IGSF5: variants seen among roughly 807,000 people sequenced by gnomAD.
IGSF5 encodes the protein immunoglobulin superfamily 5 like.
A neutral mutation model predicts 39.4 loss-of-function variants in IGSF5; 41 were observed. That is an observed-to-expected ratio of 1.04 (90% confidence interval 0.81 to 1.35). The LOEUF is 1.35. IGSF5 is among the 40% of genes most tolerant of loss of function. The pLI, the probability that IGSF5 is intolerant of heterozygous loss-of-function variation, is 0.00. For missense variants in IGSF5, 487 were observed against 494.6 expected, an observed-to-expected ratio of 0.98 and a Z score of 0.15; for synonymous variants, 183 against 175.3, an observed-to-expected ratio of 1.04 and a Z score of -0.34.
At chr21:39,738,686 T>C in the IGSF5 span, among the ~76,000 whole-genome samples, 1 of 151,520 alleles carries the variant, frequency 6.6e-6, no homozygotes, top group Non-Finnish European at 1.5e-5. This position sits in a 1 kb window ranked among gnomAD's most constrained non-coding sequence, Gnocchi z 6.4. Flanking sequence ...CTTCTAGGGG[T>C]GGACACTGGG....
chr21:39,747,133 A>G (rs1370435364), intron 2 of IGSF5, among the ~76,000 whole-genome samples: 1 of 152,230 alleles, frequency 6.6e-6, no homozygotes, highest in African/African-American at 2.4e-5. Context: ...CCGGGAAGAA[A>G]GAGTTTTAAT....
At chr21:39,772,427 T>C (rs1186471385) in intron 4 of IGSF5, among the ~76,000 whole-genome samples, 2 of 152,196 alleles carry the variant, frequency 1.3e-5, no homozygotes, top group Non-Finnish European at 2.9e-5. Context: ...ACCACAGGCT[T>C]GGTGGCTTAA....
the IGSF5 span, among the ~76,000 whole-genome samples, chr21:39,717,724 T>C: frequency 2.0e-5 from 3 of 152,238 alleles, no homozygotes; most frequent in Non-Finnish European, 2.9e-5. Context: ...ACCAGTACCA[T>C]GCTATTTTGG....
the IGSF5 span, among the ~76,000 whole-genome samples, chr21:39,716,317 T>G: frequency 6.6e-6 from 1 of 152,208 alleles, no homozygotes; most frequent in Non-Finnish European, 1.5e-5. Flanking sequence ...TACTAGCCAC[T>G]CTAAAAACGA....
chr21:39,801,092 T>C (rs1399742849), intron 8 of IGSF5, among the ~76,000 whole-genome samples, 170 bp from the exon 9 acceptor site: 2 of 152,384 alleles, frequency 1.3e-5, no homozygotes, highest in East Asian at 1.9e-4. Flanking sequence ...AAAACTTCTA[T>C]ATTGTGTGTT....
the IGSF5 span, among the ~76,000 whole-genome samples, chr21:39,719,067 C>T: frequency 2.6e-5 from 4 of 152,032 alleles, no homozygotes; most frequent in Non-Finnish European, 5.9e-5. Context: ...TCTTCCTGGC[C>T]CAATCTTGGG....
At chr21:39,757,036 G>T (rs1908779496) in intron 2 of IGSF5, among the ~76,000 whole-genome samples, 1 of 77,620 alleles carries the variant, frequency 1.3e-5, no homozygotes, top group African/African-American at 2.9e-5. Context: ...AGCACAGCAG[G>T]CACAGTCCCC....
At chr21:39,763,189 G>T (rs571907696) in intron 2 of IGSF5, among the ~76,000 whole-genome samples, 3 of 152,294 alleles carry the variant, frequency 2.0e-5, no homozygotes, top group African/African-American at 7.2e-5. Flanking sequence ...CTTAGGGTTT[G>T]TTCTAGCAAG....
Position 39,789,639 on chromosome 21 carries a change from AT to A in IGSF5, c.956+1452del, listed in dbSNP as rs1340289061. Among the ~76,000 whole-genome samples the A allele has an allele frequency of 4.6e-5, 7 of 152,334 alleles. No individual in the cohort carries two copies. In the East Asian group the frequency reaches 1.4e-3, roughly 29 times the overall value. ...AGTTGTATGTTTATTATGGAAAAAA[AT>A]CAATGCATGTTTATTTTTAGAAAAA... On this transcript the variant is annotated intron_variant, in intron 6 of 8. Coordinates refer to ENST00000380588, the MANE Select transcript of IGSF5 (RefSeq NM_001080444.2).
chr21:39,719,204 G>T, the IGSF5 span, among the ~76,000 whole-genome samples: 16 of 152,212 alleles, frequency 1.1e-4, no homozygotes, highest in East Asian at 3.1e-3. Context: ...CTCTTGCTAT[G>T]TTGCCCAGGC....
chr21:39,763,962 G>A (rs1019274360), intron 2 of IGSF5, among the ~76,000 whole-genome samples: 1 of 152,134 alleles, frequency 6.6e-6, no homozygotes, highest in South Asian at 2.1e-4. Context: ...TACCTAATCT[G>A]AGTTGTGTTT....
chr21:39,742,569 C>A (rs2079952988), upstream of IGSF5, among the ~76,000 whole-genome samples: 1 of 152,250 alleles, frequency 6.6e-6, no homozygotes, highest in African/African-American at 2.4e-5. Context: ...AGAGGACCTT[C>A]ATCCCCTGGG....
chr21:39,752,605 G>A (rs2080011131), intron 2 of IGSF5, among the ~76,000 whole-genome samples: 1 of 152,152 alleles, frequency 6.6e-6, no homozygotes, highest in South Asian at 2.1e-4. Flanking sequence ...TTTCATAGTG[G>A]TTGTATAATT....
At chr21:39,759,461 A>G (rs2080049875) in intron 2 of IGSF5, among the ~76,000 whole-genome samples, 1 of 152,216 alleles carries the variant, frequency 6.6e-6, no homozygotes, top group African/African-American at 2.4e-5. Context: ...CATCTTAGGC[A>G]TATGGCACTG....
At chr21:39,749,527 T>C (rs2079994540) in intron 2 of IGSF5, among the ~76,000 whole-genome samples, 2 of 152,246 alleles carry the variant, frequency 1.3e-5, no homozygotes, top group Non-Finnish European at 2.9e-5. Flanking sequence ...TCAATCAATT[T>C]AGAAAGCTTA....
At chr21:39,755,056 A>G (rs2837158) in intron 2 of IGSF5, among the ~76,000 whole-genome samples, 124,217 of 152,084 alleles carry the variant, frequency 0.82, 50,905 homozygotes, top group Admixed American at 0.86. Context: ...TAAGCAATCT[A>G]TTCTTAGTCT....
At chr21:39,749,888 C>T (rs9941846) in intron 2 of IGSF5, among the ~76,000 whole-genome samples, 16,417 of 152,202 alleles carry the variant, frequency 0.11, 2,887 homozygotes, top group African/African-American at 0.37. Flanking sequence ...ACACATTTGT[C>T]TCAGGTAAGC....
the IGSF5 span, among the ~76,000 whole-genome samples, chr21:39,736,432 C>CAAACAAAACA: frequency 1.3e-5 from 2 of 151,754 alleles, no homozygotes; most frequent in African/African-American, 4.9e-5. Flanking sequence ...CCCAAATTAC[C>CAAACAAAACA]AAACAAAACA....
chr21:39,756,157 T>A (rs969308354), intron 2 of IGSF5, among the ~76,000 whole-genome samples: 6 of 152,182 alleles, frequency 3.9e-5, no homozygotes, highest in African/African-American at 1.4e-4. Flanking sequence ...TATAGTTTAG[T>A]GCACACGTTG....
Sources: allele counts gnomAD v4.1 joint callset (sites outside exome capture counted in the v4.1 genomes callset), GRCh38; gene constraint gnomAD v4.1.1; non-coding constraint Gnocchi (gnomAD v3.1); transcripts MANE v1.5; gene names NCBI Gene and HGNC (gene_info 2026-07-23, HGNC 2026-07-21).